POLE: variants seen among roughly 807,000 people sequenced by gnomAD.
POLE encodes DNA polymerase epsilon catalytic subunit A.
Under a neutral mutation model 279.2 loss-of-function variants are expected in POLE, and 188 were observed. The observed-to-expected ratio is 0.67, with a 90% confidence interval of 0.60 to 0.76. The LOEUF is 0.76. POLE is among the 30% of genes least tolerant of loss of function. The pLI, the probability that POLE is intolerant of heterozygous loss-of-function variation, is 0.00. For synonymous variants in POLE, 1,214 were observed against 1,172.5 expected (o/e 1.04, Z -0.72); for missense variants, 2,703 against 3,016.7 (o/e 0.90, Z 2.44).
At chr12:132,635,593 C>A (rs560402417) in intron 42 of POLE, among the ~76,000 whole-genome samples, 1 of 152,368 alleles carries the variant, frequency 6.6e-6, no homozygotes, top group African/African-American at 2.4e-5. Flanking sequence ...GCTGGAGGCG[C>A]CTTATGCTCG....
Position 132,641,639 on chromosome 12 carries a change from G to A in POLE, c.5378+8C>T. ...ATTAGTAACACTCCTTCCCAGAGAGGGTGGCACCTGAAGGTGTTAGAGCAC... is the reference window on the plus strand; with the variant it reads ...ATTAGTAACACTCCTTCCCAGAGAGAGTGGCACCTGAAGGTGTTAGAGCAC... On this transcript the variant is annotated splice_region_variant and intron_variant, in intron 39 of 48. Transcript: ENST00000320574. The A allele has an allele frequency of 6.2e-7, 1 of 1,611,086 alleles. No homozygotes were observed. The highest frequency in any genetic ancestry group is 8.5e-7 in the Non-Finnish European group (1 of 1,177,344).
At chr12:132,625,798 A>G in intron 46 of POLE, 28 bp from the exon 47 acceptor site, 2 of 1,602,660 alleles carry the variant, frequency 1.2e-6, no homozygotes, top group Non-Finnish European at 1.7e-6. Context: ...GCGAGAGGTC[A>G]CCAGCCCAGC....
rs765804223 is a variant in POLE at position 132,635,880 on chromosome 12, C to T, written c.5811+12G>A. On this transcript the variant is annotated intron_variant, in intron 42 of 48. Transcript: ENST00000320574. ...CAAAGCTGGCTCGGGTGCCACACTGCAGCTCGCTTACCAGTCCACAGTGAA... is the reference window on the plus strand; with the variant it reads ...CAAAGCTGGCTCGGGTGCCACACTGTAGCTCGCTTACCAGTCCACAGTGAA... 32 of 1,603,744 alleles carry T rather than the reference C, an allele frequency of 2.0e-5. No individual in the cohort carries two copies. The highest frequency in any genetic ancestry group is 2.6e-5 in the Non-Finnish European group (31 of 1,173,640).
intron 12 of POLE, among the ~76,000 whole-genome samples, chr12:132,673,989 G>C (rs530316737): frequency 6.6e-6 from 1 of 151,978 alleles, no homozygotes; most frequent in South Asian, 2.1e-4. Context: ...CCTCTCCGAC[G>C]GGCGCCCCAC....
chr12:132,686,067 G>A (rs1348680167), intron 1 of POLE, among the ~76,000 whole-genome samples: 1 of 151,930 alleles, frequency 6.6e-6, no homozygotes, highest in Non-Finnish European at 1.5e-5. Context: ...AGTGGAGACG[G>A]GATTTCTCCA....
chr12:132,625,564 C>A, intron 47 of POLE, 81 bp downstream of exon 47: 1 of 1,566,376 alleles, frequency 6.4e-7, no homozygotes, highest in Non-Finnish European at 8.7e-7. Flanking sequence ...TCAGGACCTG[C>A]ACACACCCCG....
chr12:132,624,979 G>A lies in POLE; in HGVS notation c.6673C>T (p.Arg2225Cys), dbSNP rs765125852. 11 of 1,613,652 alleles carry A rather than the reference G, an allele frequency of 6.8e-6. No homozygotes were observed. The highest frequency in any genetic ancestry group is 5.3e-5 in the African/African-American group (4 of 74,922). The change falls in exon 48 of 49, where the codon CGC becomes TGC. Residue 2225 changes from arginine to cysteine, a missense_variant. Transcript: ENST00000320574. ...GGCATGCTGGTCTCCTTCACCCCGC[G>A]GCACTTCAGGCAGACCTGAAAGGGA... ...TLQDLVCLKC[R>C]GVKETSMPVY...
intron 6 of POLE, among the ~76,000 whole-genome samples, chr12:132,678,682 G>C (rs2043108121): frequency 6.6e-6 from 1 of 152,200 alleles, no homozygotes; most frequent in Non-Finnish European, 1.5e-5. Context: ...TCAGGAGGCT[G>C]CCTCATGCAG....
rs780865223 is a variant in POLE at position 132,672,754 on chromosome 12, T to G, written c.1559A>C (p.Gln520Pro). Residue 520 changes from glutamine (Q) to proline (P), a missense_variant, in exon 15 of 49, where the codon CAA (glutamine) becomes CCA (proline). Gln to Pro is a moderately conservative substitution (Grantham distance 76). Coordinates refer to ENST00000320574, the MANE Select transcript of POLE (RefSeq NM_006231.4). ...FHANIIFPNK[Q>P]EQEFNKLTDD... Reference sequence around the variant, plus strand: ...CGTCAGCTTATTGAACTCCTGCTCTTGCTTGTTGGGGAAGATGATGTTGGC... The same window carrying G: ...CGTCAGCTTATTGAACTCCTGCTCTGGCTTGTTGGGGAAGATGATGTTGGC... The G allele has an allele frequency of 1.2e-6, 2 of 1,614,174 alleles. No homozygotes were observed. Among genetic ancestry groups the G allele is most frequent in the Non-Finnish European group, 1.7e-6 (2 of 1,180,040 alleles).
intron 44 of POLE, 37 bp downstream of exon 44, chr12:132,632,627 A>T (rs1269467257): frequency 2.5e-6 from 4 of 1,613,690 alleles, no homozygotes; most frequent in Middle Eastern, 1.7e-4. Context: ...GGTCACTGGC[A>T]CATGGCAGTG....
chr12:132,638,017 CTGG>C lies in POLE; in HGVS notation c.5672_5674del (p.Thr1891del), dbSNP rs769630098. The C allele has an allele frequency of 3.7e-6, 6 of 1,613,748 alleles. No individual in the cohort carries two copies. The East Asian group carries it at 1.3e-4, about 36-fold the overall frequency. ...CACCAGGACCAGCCAGCCGCACCTG[CTGG>C]TGATGTACTCCACGTAAGCGATGGC... On this transcript the variant is annotated inframe_deletion, in exon 41 of 49. Coordinates refer to ENST00000320574, the MANE Select transcript of POLE (RefSeq NM_006231.4).
intron 1 of POLE, among the ~76,000 whole-genome samples, chr12:132,685,814 T>C (rs547184502): frequency 6.6e-6 from 1 of 152,178 alleles, no homozygotes; most frequent in South Asian, 2.1e-4. Context: ...TGGTTTCTCC[T>C]CTGGGAAGAA....
intron 45 of POLE, among the ~76,000 whole-genome samples, chr12:132,631,479 G>A (rs1051331809): frequency 3.3e-5 from 5 of 152,154 alleles, no homozygotes; most frequent in Non-Finnish European, 5.9e-5. Context: ...TTAAAATGGT[G>A]AGCTAAAAAC....
At chr12:132,655,148 A>T (rs2138643926) in intron 29 of POLE, among the ~76,000 whole-genome samples, 1 of 152,312 alleles carries the variant, frequency 6.6e-6, no homozygotes, top group South Asian at 2.1e-4. Context: ...TTGGAAACTT[A>T]ATTTTCTATT....
At chr12:132,667,887 G>A (rs1035346977) in intron 19 of POLE, among the ~76,000 whole-genome samples, 12 of 152,106 alleles carry the variant, frequency 7.9e-5, no homozygotes, top group African/African-American at 2.2e-4. Context: ...TTTGAGACCA[G>A]CCTAGGCAAC....
intron 29 of POLE, among the ~76,000 whole-genome samples, chr12:132,655,086 A>G (rs949510250): frequency 1.3e-5 from 2 of 152,190 alleles, no homozygotes; most frequent in South Asian, 2.1e-4. Flanking sequence ...ATAACTCTTT[A>G]TAACTTCTGT....
chr12:132,672,977 T>C (rs926553765), intron 14 of POLE, 138 bp from the exon 15 acceptor site: 11 of 843,546 alleles, frequency 1.3e-5, no homozygotes, highest in Non-Finnish European at 2.1e-5. Flanking sequence ...TTCTGCCTCC[T>C]GTGGTTTCTT....
intron 43 of POLE, 27 bp from the exon 44 acceptor site, chr12:132,632,822 C>T: frequency 1.9e-6 from 3 of 1,571,254 alleles, no homozygotes; most frequent in Non-Finnish European, 2.6e-6. Context: ...ACACCACAGG[C>T]CCTGAGTCGG....
intron 16 of POLE, among the ~76,000 whole-genome samples, chr12:132,670,200 G>C (rs1236151166): frequency 6.6e-6 from 1 of 151,172 alleles, no homozygotes; most frequent in East Asian, 2.0e-4. Context: ...GAGAAACCCT[G>C]TCTCTACTAA....
Sources: gnomAD v4.1 joint callset for allele counts (sites outside exome capture counted in the v4.1 genomes callset) on GRCh38, gnomAD v4.1.1 for gene constraint, MANE v1.5 for transcripts, NCBI Gene and HGNC (gene_info 2026-07-23, HGNC 2026-07-21) for gene names.